The following DMRT1 variants were observed in gnomAD, a reference collection of about 807,000 sequenced individuals.
DMRT1 encodes the protein doublesex- and mab-3-related transcription factor 1.
DMRT1 carries 7 observed loss-of-function variants against 32.3 expected under a neutral mutation model. That is an observed-to-expected ratio of 0.22 (90% CI 0.12 to 0.41). The LOEUF is 0.41. Ranked by LOEUF, DMRT1 falls within the 10% of genes least tolerant of loss-of-function variation. DMRT1 has a pLI of 1.00. For missense variants in DMRT1, 625 were observed against 500.5 expected, an observed-to-expected ratio of 1.25 and a Z score of -2.37; for synonymous variants, 278 against 206.1, an observed-to-expected ratio of 1.35 and a Z score of -2.99.
At chr9:918,445 C>T (rs1368700699) in intron 4 of DMRT1, among the ~76,000 whole-genome samples, 3 of 151,880 alleles carry the variant, frequency 2.0e-5, no homozygotes, top group African/African-American at 7.3e-5. Flanking sequence ...CAGAGAGGAG[C>T]GAATTTGGAG....
At chr9:908,381 C>G (rs1021577758) in intron 3 of DMRT1, among the ~76,000 whole-genome samples, 2 of 152,058 alleles carry the variant, frequency 1.3e-5, no homozygotes, top group Non-Finnish European at 2.9e-5. Context: ...TCACTTGAGC[C>G]CACGAGATTG....
At chr9:849,718 A>G (rs1273776332) in intron 2 of DMRT1, among the ~76,000 whole-genome samples, 5 of 152,192 alleles carry the variant, frequency 3.3e-5, no homozygotes, top group Admixed American at 3.3e-4. Context: ...CTCACAGGGA[A>G]GGGGCATGTG....
chr9:914,243 GTTTTCCGAGTATAGCTTCT>G (rs1261288006), intron 3 of DMRT1, among the ~76,000 whole-genome samples: 1 of 152,038 alleles, frequency 6.6e-6, no homozygotes, highest in East Asian at 1.9e-4. Context: ...CTTTTTGGCT[GTTTTCCGAGTATAGCTTCT>G]TTAACCTTCT....
At chr9:895,795 CTG>C (rs1414821410) in intron 3 of DMRT1, among the ~76,000 whole-genome samples, 1 of 149,026 alleles carries the variant, frequency 6.7e-6, no homozygotes, top group Non-Finnish European at 1.5e-5. Flanking sequence ...CATCTTATAA[CTG>C]AAACTTTTTT....
At chr9:871,667 G>C (rs779435028) in intron 2 of DMRT1, among the ~76,000 whole-genome samples, 2 of 150,324 alleles carry the variant, frequency 1.3e-5, no homozygotes, top group Non-Finnish European at 2.9e-5. Flanking sequence ...GTAGAGACGG[G>C]GTTTCACCGT....
chr9:939,765 T>G (rs1301691732), intron 4 of DMRT1, among the ~76,000 whole-genome samples: 1 of 152,186 alleles, frequency 6.6e-6, no homozygotes, highest in East Asian at 1.9e-4. Flanking sequence ...GTAGTGAAGT[T>G]TTATAGTTTC....
At chr9:949,413 G>A (rs1233852119) in intron 4 of DMRT1, among the ~76,000 whole-genome samples, 3 of 152,044 alleles carry the variant, frequency 2.0e-5, no homozygotes, top group Non-Finnish European at 1.5e-5. Context: ...TCTGAAGTAT[G>A]ATTGACAATA....
intron 4 of DMRT1, among the ~76,000 whole-genome samples, 194 bp downstream of exon 4, chr9:917,101 G>GTT (rs140144138): frequency 6.6e-6 from 1 of 151,976 alleles, no homozygotes. Context: ...TTAATATCAT[G>GTT]TTTTTTTTCC....
chr9:850,070 C>T (rs912800475), intron 2 of DMRT1, among the ~76,000 whole-genome samples: 1 of 152,228 alleles, frequency 6.6e-6, no homozygotes, highest in Non-Finnish European at 1.5e-5. Flanking sequence ...CTGCATGCCT[C>T]AGCCTCCCAA....
chr9:859,445 G>A (rs191517969), intron 2 of DMRT1, among the ~76,000 whole-genome samples: 2 of 152,230 alleles, frequency 1.3e-5, no homozygotes. Context: ...GGTCCCCTGG[G>A]GCTCTCAGTG....
At chr9:877,278 CA>C (rs565800150) in intron 2 of DMRT1, among the ~76,000 whole-genome samples, 20 of 152,216 alleles carry the variant, frequency 1.3e-4, no homozygotes, top group Non-Finnish European at 1.9e-4. Context: ...CCAGGATATA[CA>C]TACACTCTGC....
chr9:902,193 A>T (rs997637101), intron 3 of DMRT1, among the ~76,000 whole-genome samples: 2 of 151,482 alleles, frequency 1.3e-5, no homozygotes, highest in African/African-American at 4.9e-5. Flanking sequence ...TACAGGCGTG[A>T]GCCACCGCGC....
At chr9:875,676 T>G (rs1287715428) in intron 2 of DMRT1, among the ~76,000 whole-genome samples, 1 of 152,222 alleles carries the variant, frequency 6.6e-6, no homozygotes, top group African/African-American at 2.4e-5. Context: ...ACATTTTAGC[T>G]AACAAGCCCA....
chr9:846,108 T>G (rs1388663242), intron 1 of DMRT1, among the ~76,000 whole-genome samples: 1 of 149,916 alleles, frequency 6.7e-6, no homozygotes, highest in Non-Finnish European at 1.5e-5. Flanking sequence ...CTCGGCTCAC[T>G]GCAACCTCTG....
At chr9:921,698 A>AC (rs2129802563) in intron 4 of DMRT1, among the ~76,000 whole-genome samples, 1 of 152,226 alleles carries the variant, frequency 6.6e-6, no homozygotes, top group African/African-American at 2.4e-5. Flanking sequence ...ACATAGTGAG[A>AC]CCCCATCTCT....
rs903583544 is a variant in DMRT1, at chr9:864,239, T to C, written c.538+17096T>C. On this transcript the variant is annotated intron_variant, in intron 2 of 4. Coordinates refer to ENST00000382276, the MANE Select transcript of DMRT1 (RefSeq NM_021951.3). Reference sequence around the variant, plus strand: ...TTTTTTTTTTTTGAGACAGTCTTGCTTTGTCACCAGGCTGGAGTGCAGTGG... The same window carrying C: ...TTTTTTTTTTTTGAGACAGTCTTGCCTTGTCACCAGGCTGGAGTGCAGTGG... Among the ~76,000 whole-genome samples, 30 of 152,014 alleles carry C rather than the reference T, an allele frequency of 2.0e-4. 1 individual carries two copies. The highest frequency in any genetic ancestry group is 4.6e-4 in the African/African-American group (19 of 41,482).
At chr9:846,198 T>G (rs1838897101) in intron 1 of DMRT1, among the ~76,000 whole-genome samples, 1 of 151,832 alleles carries the variant, frequency 6.6e-6, no homozygotes. Context: ...CCTGGCTAAT[T>G]TTTGTATTTT....
intron 2 of DMRT1, among the ~76,000 whole-genome samples, chr9:866,712 T>C (rs1167442310): frequency 6.6e-6 from 1 of 152,090 alleles, no homozygotes; most frequent in African/African-American, 2.4e-5. Context: ...TCCTCTTTAG[T>C]GAGTTTGAGA....
chr9:941,129 A>G (rs1819052062), intron 4 of DMRT1, among the ~76,000 whole-genome samples: 1 of 152,206 alleles, frequency 6.6e-6, no homozygotes, highest in Non-Finnish European at 1.5e-5. Flanking sequence ...TGGGTCTTCA[A>G]AATATGAACC....
Sources: allele counts gnomAD v4.1 joint callset (sites outside exome capture counted in the v4.1 genomes callset), GRCh38; gene constraint gnomAD v4.1.1; transcripts MANE v1.5; gene names NCBI Gene and HGNC (gene_info 2026-07-23, HGNC 2026-07-21).